The following ERGIC1 variants were observed in gnomAD, a reference collection of about 807,000 sequenced individuals.
ERGIC1 encodes the protein endoplasmic reticulum-golgi intermediate compartment 1.
ERGIC1 carries 19 observed loss-of-function variants against 38.3 expected under a neutral mutation model. That is an observed-to-expected ratio of 0.50 (90% CI 0.35 to 0.73). The LOEUF is 0.73. Among genes scored for constraint, ERGIC1 ranks in the 30% least tolerant of loss-of-function variants. The pLI is 0.01. For synonymous variants in ERGIC1, 124 were observed against 157.6 expected (o/e 0.79, Z 1.60); for missense variants, 294 against 389.2 (o/e 0.76, Z 2.06).
chr5:172,865,258 G>T (rs868161227), intron 1 of ERGIC1, among the ~76,000 whole-genome samples: 2 of 152,090 alleles, frequency 1.3e-5, no homozygotes, highest in Non-Finnish European at 2.9e-5. Context: ...GTTTCACCAT[G>T]TTGGCCAGGC....
At chr5:172,885,643 T>C (rs1418731802) in intron 1 of ERGIC1, among the ~76,000 whole-genome samples, 2 of 152,114 alleles carry the variant, frequency 1.3e-5, no homozygotes, top group African/African-American at 2.4e-5. Flanking sequence ...GCCAGGGATT[T>C]TCTGAAGGTC....
intron 3 of ERGIC1, among the ~76,000 whole-genome samples, chr5:172,902,360 GC>G (rs1404098712): frequency 3.3e-5 from 5 of 152,134 alleles, no homozygotes; most frequent in Non-Finnish European, 7.4e-5. Flanking sequence ...CCTGCCTTGA[GC>G]CTGGGTTGTG....
chr5:172,850,584 C>T (rs1010251726), intron 1 of ERGIC1, among the ~76,000 whole-genome samples: 2 of 152,120 alleles, frequency 1.3e-5, no homozygotes, highest in Non-Finnish European at 1.5e-5. Context: ...CCCACCCACT[C>T]GCTGTGTGTC....
At chr5:172,840,180 C>G (rs760098655) in intron 1 of ERGIC1, among the ~76,000 whole-genome samples, 1 of 152,156 alleles carries the variant, frequency 6.6e-6, no homozygotes, top group African/African-American at 2.4e-5. Flanking sequence ...GGTTTTCCAG[C>G]TTAGAGCATC....
At chr5:172,915,750 C>T (rs990863347) in intron 5 of ERGIC1, 15 of 417,834 alleles carry the variant, frequency 3.6e-5, no homozygotes, top group Non-Finnish European at 7.2e-5. Flanking sequence ...CAGCTATCTG[C>T]ATGTCCCACA....
intron 1 of ERGIC1, among the ~76,000 whole-genome samples, chr5:172,887,562 G>A (rs576064488): frequency 2.0e-5 from 3 of 152,340 alleles, no homozygotes; most frequent in South Asian, 4.1e-4. Flanking sequence ...AGGACCAGCC[G>A]AGATTTGAAC....
chr5:172,941,836 G>A (rs1412990932), intron 9 of ERGIC1, among the ~76,000 whole-genome samples: 1 of 152,232 alleles, frequency 6.6e-6, no homozygotes, highest in Non-Finnish European at 1.5e-5. Context: ...TTGTTCACCT[G>A]TTTAGGCTTC....
intron 5 of ERGIC1, among the ~76,000 whole-genome samples, chr5:172,918,563 A>G (rs1388179646): frequency 6.6e-6 from 1 of 152,260 alleles, no homozygotes; most frequent in African/African-American, 2.4e-5. Flanking sequence ...ATATGTATAG[A>G]TATCAAAGAG....
chr5:172,834,589 CT>C lies in ERGIC1; in HGVS notation c.20+157del, dbSNP rs3059296. Among the ~76,000 whole-genome samples the C allele has an allele frequency of 0.19, 25,684 of 136,482 alleles. 3,389 individuals are homozygous for C. Among genetic ancestry groups the C allele is most frequent in the East Asian group, 0.34 (1,522 of 4,478 alleles). The allele number at this position is 136,482 out of a possible 152,430, so 89.5% of individuals were successfully genotyped here. A position where few individuals can be genotyped will look rare whatever the true frequency, so the allele number is the denominator to read the frequency against. On this transcript the variant is annotated intron_variant, in intron 1 of 9. Transcript: ENST00000393784. The surrounding 1 kb of genome is among the most constrained non-coding windows in gnomAD (Gnocchi z 4.1). ...TAGGGACCCCAGGCGAGCCCCCCCC[CT>C]GCCGCACACGAAGCCAGCCAGAGCC...
intron 1 of ERGIC1, among the ~76,000 whole-genome samples, chr5:172,869,231 C>T (rs982351626): frequency 6.6e-6 from 1 of 152,252 alleles, no homozygotes; most frequent in Non-Finnish European, 1.5e-5. Flanking sequence ...GTGACAACAA[C>T]ATTCTTTGGT....
rs1764245460 is a variant in ERGIC1, at chr5:172,952,220, A to T, written c.*1404A>T. 6.6e-6 allele frequency: 1 copy of T among 152,218 alleles called. No homozygotes were observed. The highest frequency in any genetic ancestry group is 1.5e-5 in the Non-Finnish European group (1 of 68,038). The allele number at this position is 152,218 out of a possible 1,614,324, so 9.4% of individuals were successfully genotyped here. On this transcript the variant is annotated 3_prime_UTR_variant, in exon 10 of 10. Coordinates refer to ENST00000393784, the MANE Select transcript of ERGIC1 (RefSeq NM_001031711.3). ...GGGAGTGTCCAGTGGAAGGATTTTT[A>T]AAATTATCTTATGGATAGCTCAAGT...
intron 3 of ERGIC1, among the ~76,000 whole-genome samples, chr5:172,904,963 G>A (rs978506528): frequency 2.6e-5 from 4 of 152,182 alleles, no homozygotes; most frequent in African/African-American, 9.7e-5. Context: ...CTTGTTCTGG[G>A]TGGCCCTCTA....
chr5:172,873,531 G>A (rs546758486), intron 1 of ERGIC1, among the ~76,000 whole-genome samples: 54 of 152,338 alleles, frequency 3.5e-4, no homozygotes, highest in Admixed American at 7.2e-4. Context: ...CCAGTGCCAC[G>A]GCCTGCTGTC....
intron 2 of ERGIC1, among the ~76,000 whole-genome samples, chr5:172,893,138 C>T (rs1367641440): frequency 6.6e-6 from 1 of 152,154 alleles, no homozygotes; most frequent in African/African-American, 2.4e-5. Context: ...CCTTCATGAA[C>T]ACATCCTGTT....
At chr5:172,927,484 T>C (rs1030387526) in intron 7 of ERGIC1, among the ~76,000 whole-genome samples, 1 of 152,084 alleles carries the variant, frequency 6.6e-6, no homozygotes, top group Non-Finnish European at 1.5e-5. Context: ...CAGTTTACCG[T>C]CTGCTTTTTG....
chr5:172,908,328 A>AGGAGGGGGGGGAGGAGGGGG (rs1561729710), intron 3 of ERGIC1, among the ~76,000 whole-genome samples: 1 of 234 alleles, frequency 4.3e-3, no homozygotes, highest in Non-Finnish European at 7.7e-3. Context: ...GAGAGAGGGG[A>AGGAGGGGGGGGAGGAGGGGG]GGGGGGGAGG....
At chr5:172,889,627 G>A (rs1762510094) in intron 2 of ERGIC1, among the ~76,000 whole-genome samples, 1 of 152,158 alleles carries the variant, frequency 6.6e-6, no homozygotes, top group Non-Finnish European at 1.5e-5. Context: ...TGGCTTAGAA[G>A]CCAGAGAATT....
At chr5:172,894,609 A>ATGTTTAAC in intron 2 of ERGIC1, among the ~76,000 whole-genome samples, 1 of 152,168 alleles carries the variant, frequency 6.6e-6, no homozygotes, top group South Asian at 2.1e-4. Flanking sequence ...CTCGGAGCCT[A>ATGTTTAAC]AGTTCTTGAG....
chr5:172,839,383 ACCCCAG>A (rs1263596586), intron 1 of ERGIC1, among the ~76,000 whole-genome samples: 107 of 38,220 alleles, frequency 2.8e-3, no homozygotes, highest in African/African-American at 0.019. Context: ...ACATAGCAAG[ACCCCAG>A]ACCCCATCTC....
Sources: gnomAD v4.1 joint callset for allele counts (sites outside exome capture counted in the v4.1 genomes callset) on GRCh38, gnomAD v4.1.1 for gene constraint, Gnocchi (gnomAD v3.1) non-coding constraint, MANE v1.5 for transcripts, NCBI Gene and HGNC (gene_info 2026-07-23, HGNC 2026-07-21) for gene names.